The following FRMPD2 variants were observed in gnomAD, a reference collection of about 807,000 sequenced individuals.
FRMPD2 encodes the protein FERM and PDZ domain containing 2.
In FRMPD2, 96 loss-of-function variants were observed where a neutral mutation model predicts 140.1. The observed-to-expected ratio is 0.69, with a 90% CI of 0.58 to 0.81. The LOEUF (loss-of-function observed/expected upper bound fraction) is 0.81, where lower values mean the gene tolerates loss of function less well. FRMPD2 is among the 40% of genes least tolerant of loss of function. The pLI, the probability that FRMPD2 is intolerant of heterozygous loss-of-function variation, is 0.00. For synonymous variants in FRMPD2, 449 were observed against 547.6 expected, an observed-to-expected ratio of 0.82 and a Z score of 2.52; for missense variants, 1,240 against 1,447.4, an observed-to-expected ratio of 0.86 and a Z score of 2.32.
At chr10:48,188,330 G>A (rs1244949104) in intron 16 of FRMPD2, among the ~76,000 whole-genome samples, 1 of 152,210 alleles carries the variant, frequency 6.6e-6, no homozygotes, top group Non-Finnish European at 1.5e-5. Flanking sequence ...GCCAGAAAGG[G>A]AAGAACAGGG....
At chr10:48,263,630 A>C (rs553168867) in intron 1 of FRMPD2, among the ~76,000 whole-genome samples, 1 of 152,298 alleles carries the variant, frequency 6.6e-6, no homozygotes, top group Non-Finnish European at 1.5e-5. Context: ...GCCTATACGT[A>C]TTACATAAAT....
intron 9 of FRMPD2, among the ~76,000 whole-genome samples, chr10:48,233,994 G>A (rs765336259): frequency 4.6e-5 from 7 of 152,216 alleles, no homozygotes; most frequent in Non-Finnish European, 1.0e-4. Flanking sequence ...AATTCAGCAG[G>A]GACAAGCATC....
At position 48,249,009 on chromosome 10, in the gene FRMPD2, T is replaced by C. The variant is rs763467929; in HGVS notation, c.309+12A>G. On this transcript the variant is annotated intron_variant, in intron 3 of 28. Transcript: ENST00000374201. ...CAGGACTCAGAAGTTGCAGAGTAGC[T>C]GCACAGCTTACCTGAGATGCATCAG... 6.2e-7 allele frequency: 1 copy of C among 1,600,734 alleles called. No homozygotes were observed. The highest frequency in any genetic ancestry group is 8.5e-7 in the Non-Finnish European group (1 of 1,172,262).
intron 10 of FRMPD2, among the ~76,000 whole-genome samples, chr10:48,225,456 T>C (rs1839700909): frequency 6.6e-6 from 1 of 152,098 alleles, no homozygotes; most frequent in South Asian, 2.1e-4. Context: ...TGACACTCTG[T>C]CTCCACTGAT....
chr10:48,244,322 T>C (rs1840194956), intron 4 of FRMPD2, among the ~76,000 whole-genome samples: 1 of 152,252 alleles, frequency 6.6e-6, no homozygotes. Context: ...AGCCTTCTTG[T>C]AGTTTTTAAA....
At chr10:48,238,472 A>C (rs1588847815) in intron 7 of FRMPD2, among the ~76,000 whole-genome samples, 2 of 152,174 alleles carry the variant, frequency 1.3e-5, no homozygotes, top group African/African-American at 2.4e-5. Flanking sequence ...TTAGAATTTG[A>C]TATGTTGTTC....
rs372131698 is a variant in FRMPD2, at chr10:48,227,225, C to CT, written c.1169-3956dup. Among the ~76,000 whole-genome samples, 567 of 151,698 alleles carry CT rather than the reference C, an allele frequency of 3.7e-3. 5 individuals are homozygous for CT. The highest frequency in any genetic ancestry group is 0.012 in the African/African-American group (476 of 41,376). On this transcript the variant is annotated intron_variant, in intron 10 of 28. Coordinates refer to ENST00000374201, the MANE Select transcript of FRMPD2 (RefSeq NM_001018071.4). Reference sequence around the variant, plus strand: ...GTTCTAGGTTCTAACAGAAATCGCTCTTTTTTTTTGTTTTTTAATCTCTGT... The same window carrying CT: ...GTTCTAGGTTCTAACAGAAATCGCTCTTTTTTTTTTGTTTTTTAATCTCTGT...
chr10:48,249,930 A>G (rs1418178938), intron 2 of FRMPD2, among the ~76,000 whole-genome samples: 1 of 152,090 alleles, frequency 6.6e-6, no homozygotes, highest in Admixed American at 6.5e-5. Context: ...GAGACACTAT[A>G]GGAGGCCTTA....
chr10:48,213,620 G>C (rs552356145), intron 12 of FRMPD2, among the ~76,000 whole-genome samples: 1 of 152,118 alleles, frequency 6.6e-6, no homozygotes, highest in East Asian at 1.9e-4. Context: ...GTTACATCCA[G>C]ACAATGAAAT....
chr10:48,157,186 C>G lies in FRMPD2; in HGVS notation c.*136G>C, dbSNP rs544652036. 3.4e-4 allele frequency: 240 copies of G among 713,602 alleles called. 3 individuals are homozygous for G. In the East Asian group the frequency reaches 6.2e-3, roughly 18 times the overall value. 44.2% of individuals were successfully genotyped at this position (713,602 alleles called of 1,614,324 possible). A position where few individuals can be genotyped will look rare whatever the true frequency, so the allele number is the denominator to read the frequency against. On this transcript the variant is annotated 3_prime_UTR_variant, in exon 29 of 29. Coordinates refer to ENST00000374201, the MANE Select transcript of FRMPD2 (RefSeq NM_001018071.4). ...TGAAGCTCATTATCTGGTGATGCAG[C>G]CGCAGACGTAATGGTCAAAGAACAA...
intron 14 of FRMPD2, among the ~76,000 whole-genome samples, chr10:48,206,500 G>A (rs945011947): frequency 2.6e-5 from 4 of 152,102 alleles, no homozygotes; most frequent in African/African-American, 9.7e-5. Flanking sequence ...GCTGTTCATG[G>A]GGATATGTGG....
chr10:48,270,447 T>C (rs569062490), intron 1 of FRMPD2, among the ~76,000 whole-genome samples: 5 of 152,332 alleles, frequency 3.3e-5, no homozygotes, highest in African/African-American at 1.2e-4. Context: ...AAGATGTATA[T>C]TCAAAGATAT....
In FRMPD2 at chr10:48,185,638, C is replaced by T; in HGVS notation, c.2274G>A (p.Lys758=). ...CTATAAAGCTCTTCCTCCTATTATT[C>T]TTTGAGCCTAGAGGTAGAATCAGAG... ...PPVQSMHAGS[K]NNRRKSFIAE... Residue 758 remains lysine, a synonymous_variant, in exon 18 of 29, where the codon AAG becomes AAA. Transcript: ENST00000374201. The T allele has an allele frequency of 6.2e-7, 1 of 1,613,358 alleles. No individual in the cohort carries two copies. The highest frequency in any genetic ancestry group is 8.5e-7 in the Non-Finnish European group (1 of 1,179,304).
At chr10:48,177,107 CTT>C (rs797028246) in intron 22 of FRMPD2, among the ~76,000 whole-genome samples, 23 of 130,624 alleles carry the variant, frequency 1.8e-4, no homozygotes, top group Admixed American at 3.0e-4. Context: ...TAATGGATCA[CTT>C]TTTTTTTTTT....
rs1282793414 is a variant in FRMPD2, at chr10:48,157,119, AC to A, written c.*202del. On this transcript the variant is annotated 3_prime_UTR_variant, in exon 29 of 29. Coordinates refer to ENST00000374201, the MANE Select transcript of FRMPD2 (RefSeq NM_001018071.4). The stretch of plus-strand genomic sequence containing the variant: ...TTTAGAGATGCGGCAAGCTGAAGTG[AC>A]ATTTACTCCCCGCGGAAGGACACAG... 7 of 604,118 alleles carry A rather than the reference AC, an allele frequency of 1.2e-5. No individual in the cohort carries two copies. In the African/African-American group the frequency reaches 1.3e-4, roughly 11 times the overall value. The allele number at this position is 604,118 out of a possible 1,614,324, so 37.4% of individuals were successfully genotyped here. A position where few individuals can be genotyped will look rare whatever the true frequency, so the allele number is the denominator to read the frequency against.
intron 9 of FRMPD2, among the ~76,000 whole-genome samples, chr10:48,234,543 G>A (rs952049278): frequency 6.6e-6 from 1 of 152,118 alleles, no homozygotes; most frequent in African/African-American, 2.4e-5. Context: ...CACTGACTGA[G>A]AACCCTGGGG....
chr10:48,211,885 C>T, intron 13 of FRMPD2, 69 bp downstream of exon 13: 1 of 1,502,756 alleles, frequency 6.7e-7, no homozygotes, highest in Non-Finnish European at 9.1e-7. Context: ...CTTGAGAAGG[C>T]TCTGGAGGGG....
At chr10:48,217,014 C>T (rs928801624) in intron 12 of FRMPD2, among the ~76,000 whole-genome samples, 3 of 152,188 alleles carry the variant, frequency 2.0e-5, no homozygotes, top group African/African-American at 7.2e-5. Flanking sequence ...GCCAGGCCAG[C>T]TCTGAGACAC....
At chr10:48,222,872 T>G (rs1839638211) in intron 11 of FRMPD2, among the ~76,000 whole-genome samples, 1 of 152,176 alleles carries the variant, frequency 6.6e-6, no homozygotes, top group Non-Finnish European at 1.5e-5. Flanking sequence ...CAGAGAATTT[T>G]GACCTTGAGT....
Sources: gnomAD v4.1 joint callset for allele counts (sites outside exome capture counted in the v4.1 genomes callset) on GRCh38, gnomAD v4.1.1 for gene constraint, MANE v1.5 for transcripts, NCBI Gene and HGNC (gene_info 2026-07-23, HGNC 2026-07-21) for gene names.